Variants in COMMD1 observed in about 807,000 individuals in gnomAD.
COMMD1 encodes the protein COMM domain-containing protein 1.
COMMD1 carries 10 observed loss-of-function variants against 17.2 expected under a neutral mutation model. That is an observed-to-expected ratio of 0.58 (90% CI 0.36 to 0.99). COMMD1 has a LOEUF of 0.99. COMMD1 is among the 50% of genes least tolerant of loss of function. The probability of loss-of-function intolerance (pLI) is 0.01; values close to 1 mark genes in which losing one functional copy is unlikely to be tolerated. For synonymous variants in COMMD1, 97 were observed against 91.6 expected (o/e 1.06, Z -0.34); for missense variants, 270 against 231.8 (o/e 1.17, Z -1.07).
At chr2:62,116,711 C>T (rs1472627739) in intron 2 of COMMD1, among the ~76,000 whole-genome samples, 2 of 137,190 alleles carry the variant, frequency 1.5e-5, no homozygotes, top group African/African-American at 5.5e-5. Flanking sequence ...AAAGGCCGGG[C>T]GTGGTGGCTC....
Position 62,008,345 on chromosome 2 carries a change from TACACACACACAGACAGACACAC to T in COMMD1, c.462+7375_462+7396del, listed in dbSNP as rs1425225796. Among the ~76,000 whole-genome samples, 227 of 150,784 alleles carry T rather than the reference TACACACACACAGACAGACACAC, an allele frequency of 1.5e-3. 1 individual carries two copies. The highest frequency in any genetic ancestry group is 3.4e-3 in the Middle Eastern group (1 of 294). The stretch of plus-strand genomic sequence containing the variant: ...ATGCACACAGACCCACAATCTTTCA[TACACACACACAGACAGACACAC>T]ACACACACACACACACACACACATA... On this transcript the variant is annotated intron_variant, in intron 2 of 2. Transcript: ENST00000311832.
intron 1 of COMMD1, among the ~76,000 whole-genome samples, chr2:61,987,496 G>C (rs972540856): frequency 1.3e-5 from 2 of 152,146 alleles, no homozygotes; most frequent in Non-Finnish European, 2.9e-5. Context: ...TCTATTGCCA[G>C]GCAGAGACTC....
At chr2:61,908,137 T>C (rs1669817786) in intron 1 of COMMD1, among the ~76,000 whole-genome samples, 1 of 152,078 alleles carries the variant, frequency 6.6e-6, no homozygotes, top group Non-Finnish European at 1.5e-5. Context: ...CTGATTAGTC[T>C]GAGGAACGAA....
At chr2:61,890,209 T>C (rs183910496) in intron 1 of COMMD1, among the ~76,000 whole-genome samples, 1 of 151,540 alleles carries the variant, frequency 6.6e-6, no homozygotes, top group African/African-American at 2.4e-5. Context: ...GGTGGTGGTG[T>C]TGTTTGTTTG....
rs1671015527 is a variant in COMMD1, at chr2:62,065,611, C to T, written c.462+64629C>T. On this transcript the variant is annotated intron_variant, in intron 2 of 2. Coordinates refer to ENST00000311832, the MANE Select transcript of COMMD1 (RefSeq NM_152516.4). Reference sequence around the variant, plus strand: ...ATGGGATTACAGGCATGAGCCACCACACCTGGCCCTTATATATACTTACTT... The same window carrying T: ...ATGGGATTACAGGCATGAGCCACCATACCTGGCCCTTATATATACTTACTT... Among the ~76,000 whole-genome samples, 3 of 152,086 alleles carry T rather than the reference C, an allele frequency of 2.0e-5. No individual in the cohort carries two copies. In the South Asian group the frequency reaches 6.2e-4, roughly 32 times the overall value.
At chr2:62,039,984 G>A (rs991869761) in intron 2 of COMMD1, among the ~76,000 whole-genome samples, 3 of 152,192 alleles carry the variant, frequency 2.0e-5, no homozygotes, top group South Asian at 4.1e-4. Flanking sequence ...AGCTGGGCAC[G>A]GTGGCTTATG....
intron 2 of COMMD1, among the ~76,000 whole-genome samples, chr2:62,116,509 T>TA (rs1672607012): frequency 6.6e-6 from 1 of 151,190 alleles, no homozygotes; most frequent in African/African-American, 2.4e-5. Context: ...CCGTCTCTAC[T>TA]AAAAATACCC....
chr2:61,894,705 A>ATT (rs1005349931), intron 1 of COMMD1, among the ~76,000 whole-genome samples: 3 of 135,604 alleles, frequency 2.2e-5, no homozygotes, highest in East Asian at 4.4e-4. Flanking sequence ...TAAAAAAAAA[A>ATT]TTTTTTTTTT....
chr2:61,905,891 G>A, intron 1 of COMMD1, 33 bp downstream of exon 1: 1 of 1,608,982 alleles, frequency 6.2e-7, no homozygotes, highest in Non-Finnish European at 8.5e-7. Context: ...CCGGCTTGGA[G>A]CAGAACCCCT....
chr2:61,905,940 CT>C (rs1381151488), intron 1 of COMMD1, 82 bp downstream of exon 1: 2 of 1,399,322 alleles, frequency 1.4e-6, no homozygotes, highest in African/African-American at 1.4e-5. Context: ...TTGCCTTCCC[CT>C]GTCCTCACAA....
chr2:62,048,482 T>TG (rs377643109), intron 2 of COMMD1, among the ~76,000 whole-genome samples: 10 of 152,180 alleles, frequency 6.6e-5, no homozygotes, highest in African/African-American at 2.4e-4. Context: ...GCCACCGTGC[T>TG]GGCCAGGAAC....
At chr2:61,927,442 G>A (rs1419579397) in intron 1 of COMMD1, among the ~76,000 whole-genome samples, 1 of 152,104 alleles carries the variant, frequency 6.6e-6, no homozygotes, top group African/African-American at 2.4e-5. Context: ...GCCCAGGCTG[G>A]AGTGCAGTGG....
At chr2:62,074,282 G>A (rs924278851) in intron 2 of COMMD1, among the ~76,000 whole-genome samples, 23 of 152,198 alleles carry the variant, frequency 1.5e-4, no homozygotes, top group African/African-American at 5.5e-4. Context: ...TCAGTCTTCA[G>A]CTCTCCTCTG....
At position 61,968,467 on chromosome 2, in the gene COMMD1, C is replaced by T. The variant is rs1671562346; in HGVS notation, c.181-32234C>T. Among the ~76,000 whole-genome samples the T allele has an allele frequency of 2.0e-5, 3 of 151,934 alleles. No individual in the cohort carries two copies. The South Asian group carries it at 6.2e-4, about 32-fold the overall frequency. On this transcript the variant is annotated intron_variant, in intron 1 of 2. Coordinates refer to ENST00000311832, the MANE Select transcript of COMMD1 (RefSeq NM_152516.4). The stretch of plus-strand genomic sequence containing the variant: ...ATTAATTGTACAGTAAATCACATTT[C>T]ACAAATTTACTGAAGGTGAAAAGAA...
intron 1 of COMMD1, among the ~76,000 whole-genome samples, chr2:61,918,185 T>C (rs1670097356): frequency 1.3e-5 from 2 of 152,250 alleles, no homozygotes; most frequent in African/African-American, 4.8e-5. Flanking sequence ...TCCAAAAAGA[T>C]GTCTAAATAT....
At chr2:61,916,176 G>A (rs781659488) in intron 1 of COMMD1, among the ~76,000 whole-genome samples, 15 of 152,020 alleles carry the variant, frequency 9.9e-5, no homozygotes, top group Non-Finnish European at 1.5e-4. Context: ...TGCCCAGGCC[G>A]GTCTCAAACT....
intron 1 of COMMD1, among the ~76,000 whole-genome samples, chr2:61,920,699 A>G (rs1441611575): frequency 6.6e-6 from 1 of 152,112 alleles, no homozygotes; most frequent in East Asian, 1.9e-4. Flanking sequence ...GCCAGTAACA[A>G]TGAGCTTCTA....
intron 2 of COMMD1, among the ~76,000 whole-genome samples, chr2:62,069,075 ACTTTG>A (rs1011038005): frequency 3.3e-5 from 5 of 152,016 alleles, no homozygotes; most frequent in Non-Finnish European, 5.9e-5. Context: ...ATTTACGAAA[ACTTTG>A]CTTTGTATAA....
intron 2 of COMMD1, among the ~76,000 whole-genome samples, chr2:62,089,372 GC>G (rs201425327): frequency 0.011 from 1,690 of 149,912 alleles, 33 homozygotes; most frequent in African/African-American, 0.04. Context: ...TGCAACCTAA[GC>G]CCCCCGGGTT....
Sources: allele counts gnomAD v4.1 joint callset (sites outside exome capture counted in the v4.1 genomes callset), GRCh38; gene constraint gnomAD v4.1.1; transcripts MANE v1.5; gene names NCBI Gene and HGNC (gene_info 2026-07-23, HGNC 2026-07-21).